Variants in LDB2 observed in about 807,000 individuals in gnomAD.
LDB2 encodes the protein LIM domain-binding protein 2.
A neutral mutation model predicts 44.3 loss-of-function variants in LDB2; 12 were observed. The observed-to-expected ratio is 0.27, with a 90% CI of 0.17 to 0.44. The LOEUF (loss-of-function observed/expected upper bound fraction) is 0.44. Ranked by LOEUF, LDB2 falls within the 20% of genes least tolerant of loss-of-function variation. The pLI is 1.00. For synonymous variants in LDB2, 164 were observed against 174.8 expected (o/e 0.94, Z 0.49); for missense variants, 344 against 473.5 (o/e 0.73, Z 2.54).
intron 1 of LDB2, among the ~76,000 whole-genome samples, chr4:16,783,595 C>T (rs1453034572): frequency 6.6e-6 from 1 of 152,232 alleles, no homozygotes; most frequent in East Asian, 1.9e-4. Context: ...TATTAGCCAT[C>T]AGTGGTATAA....
At chr4:16,870,938 T>A (rs1345494886) in intron 1 of LDB2, among the ~76,000 whole-genome samples, 3 of 152,164 alleles carry the variant, frequency 2.0e-5, no homozygotes, top group Non-Finnish European at 4.4e-5. Context: ...CCTGCCTCCT[T>A]GCGTTCTTTA....
chr4:16,736,439 C>CT (rs1287577894), intron 2 of LDB2, among the ~76,000 whole-genome samples: 3 of 152,210 alleles, frequency 2.0e-5, no homozygotes, highest in African/African-American at 7.2e-5. Flanking sequence ...AACTTAGACT[C>CT]TTTTGTCTAA....
Position 16,881,625 on chromosome 4 carries a change from T to C in LDB2, c.132+16729A>G, listed in dbSNP as rs185956093. On this transcript the variant is annotated intron_variant, in intron 1 of 7. Coordinates refer to ENST00000304523, the MANE Select transcript of LDB2 (RefSeq NM_001290.5). ...GCCTTTTTTTTTTTTTTTTTAAGATTGACTAAGTAACCACCTGGAAGTTCC... is the reference window on the plus strand; with the variant it reads ...GCCTTTTTTTTTTTTTTTTTAAGATCGACTAAGTAACCACCTGGAAGTTCC... 2.6e-4 allele frequency among the ~76,000 whole-genome samples: 39 copies of C among 150,280 alleles called. No individual in the cohort carries two copies. In the East Asian group the frequency reaches 7.6e-3, roughly 29 times the overall value.
intron 1 of LDB2, among the ~76,000 whole-genome samples, chr4:16,813,038 C>T (rs564841066): frequency 2.0e-5 from 3 of 151,984 alleles, no homozygotes; most frequent in Non-Finnish European, 4.4e-5. Flanking sequence ...TGCTCTGTCA[C>T]CCAGGCTGGA....
intron 1 of LDB2, among the ~76,000 whole-genome samples, chr4:16,763,483 T>G (rs1768450969): frequency 1.2e-5 from 1 of 82,958 alleles, no homozygotes; most frequent in Non-Finnish European, 3.0e-5. Context: ...CACAGAGTTT[T>G]TGAATTAGTC....
intron 1 of LDB2, among the ~76,000 whole-genome samples, chr4:16,870,931 G>T (rs954181148): frequency 6.6e-6 from 1 of 152,142 alleles, no homozygotes. Context: ...ACCATGCCCT[G>T]CCTCCTTGCG....
rs140776821 is a variant in LDB2, at chr4:16,579,474, T to C, written c.615+6448A>G. 3.4e-3 allele frequency among the ~76,000 whole-genome samples: 516 copies of C among 152,266 alleles called. 4 individuals are homozygous for C. The highest frequency in any genetic ancestry group is 0.011 in the African/African-American group (451 of 41,558). The stretch of plus-strand genomic sequence containing the variant: ...TTCCAGTATAATGAAAATACCATAA[T>C]GACATTTAGAGTAAGGATTAAATAC... On this transcript the variant is annotated intron_variant, in intron 5 of 7. Coordinates refer to ENST00000304523, the MANE Select transcript of LDB2 (RefSeq NM_001290.5).
intron 1 of LDB2, among the ~76,000 whole-genome samples, chr4:16,897,930 AT>A (rs2110583717): frequency 5.7e-5 from 1 of 17,672 alleles, no homozygotes; most frequent in African/African-American, 3.8e-4. Flanking sequence ...ATATATATAT[AT>A]ATATATACAC....
intron 2 of LDB2, among the ~76,000 whole-genome samples, chr4:16,658,989 T>C (rs1484371155): frequency 1.3e-5 from 2 of 152,132 alleles, no homozygotes; most frequent in Admixed American, 6.6e-5. Context: ...AAATAAACAA[T>C]CAAACAAATA....
chr4:16,685,194 T>C (rs1170452580), intron 2 of LDB2, among the ~76,000 whole-genome samples: 1 of 152,206 alleles, frequency 6.6e-6, no homozygotes, highest in Non-Finnish European at 1.5e-5. Flanking sequence ...AAAGGATATT[T>C]ACCAGCTGCT....
chr4:16,708,978 T>C (rs1034866865), intron 2 of LDB2, among the ~76,000 whole-genome samples: 1 of 152,124 alleles, frequency 6.6e-6, no homozygotes, highest in African/African-American at 2.4e-5. Flanking sequence ...ATGCAGAAGG[T>C]GTCCACTCCC....
At chr4:16,536,816 G>A (rs1252004752) in intron 5 of LDB2, among the ~76,000 whole-genome samples, 1 of 152,180 alleles carries the variant, frequency 6.6e-6, no homozygotes, top group Admixed American at 6.5e-5. Flanking sequence ...TCAAACAAGT[G>A]GGTGTTAATC....
intron 1 of LDB2, among the ~76,000 whole-genome samples, chr4:16,777,630 C>T (rs1234654770): frequency 1.3e-5 from 2 of 152,092 alleles, no homozygotes; most frequent in African/African-American, 4.8e-5. Flanking sequence ...GTTCTAGGTC[C>T]CTCCTGTGAT....
At chr4:16,812,088 A>G (rs1033719225) in intron 1 of LDB2, among the ~76,000 whole-genome samples, 7 of 152,176 alleles carry the variant, frequency 4.6e-5, no homozygotes, top group Admixed American at 4.6e-4. Context: ...CCCGTCCTTT[A>G]TAATTTCTCA....
chr4:16,868,149 A>T (rs1468331992), intron 1 of LDB2, among the ~76,000 whole-genome samples: 1 of 152,190 alleles, frequency 6.6e-6, no homozygotes, highest in Non-Finnish European at 1.5e-5. Context: ...TATCTTCAAG[A>T]GAGTAGGTAT....
chr4:16,519,874 T>C (rs1166028478), intron 5 of LDB2, among the ~76,000 whole-genome samples: 11 of 151,930 alleles, frequency 7.2e-5, no homozygotes, highest in Admixed American at 7.2e-4. Context: ...TGATGAGAAA[T>C]GCTATGGCCT....
At chr4:16,868,182 C>T (rs34228867) in intron 1 of LDB2, among the ~76,000 whole-genome samples, 1 of 151,824 alleles carries the variant, frequency 6.6e-6, no homozygotes, top group Non-Finnish European at 1.5e-5. Context: ...TTTACTTTTG[C>T]GTCAGTTGAG....
intron 1 of LDB2, among the ~76,000 whole-genome samples, chr4:16,817,057 C>A (rs868026505): frequency 1.3e-5 from 2 of 152,122 alleles, no homozygotes; most frequent in African/African-American, 4.8e-5. Context: ...GGGGAACAGG[C>A]CCTGTGAAGG....
At chr4:16,789,029 T>C (rs1422297829) in intron 1 of LDB2, among the ~76,000 whole-genome samples, 1 of 152,190 alleles carries the variant, frequency 6.6e-6, no homozygotes, top group African/African-American at 2.4e-5. Flanking sequence ...GCAGATTTAC[T>C]CTCCTAATTA....
Sources: allele counts gnomAD v4.1 joint callset (sites outside exome capture counted in the v4.1 genomes callset), GRCh38; gene constraint gnomAD v4.1.1; transcripts MANE v1.5; gene names NCBI Gene and HGNC (gene_info 2026-07-23, HGNC 2026-07-21).